The following CTNND2 variants were observed in gnomAD, a reference collection of about 807,000 sequenced individuals.
CTNND2 encodes catenin delta-2.
In CTNND2, 22 loss-of-function variants were observed where a neutral mutation model predicts 144.4. The observed-to-expected ratio is 0.15, with a 90% CI of 0.11 to 0.22. The LOEUF (loss-of-function observed/expected upper bound fraction) is 0.22, where lower values mean the gene tolerates loss of function less well. Ranked by LOEUF, CTNND2 falls within the 10% of genes least tolerant of loss-of-function variation. The pLI is 1.00. For missense variants in CTNND2, 1,353 were observed against 1,618.8 expected, an observed-to-expected ratio of 0.84 and a Z score of 2.82; for synonymous variants, 751 against 695.6, an observed-to-expected ratio of 1.08 and a Z score of -1.25.
chr5:11,789,871 C>A (rs1791040946), intron 1 of CTNND2, among the ~76,000 whole-genome samples: 1 of 152,148 alleles, frequency 6.6e-6, no homozygotes, highest in African/African-American at 2.4e-5. Flanking sequence ...TTAAGAACTT[C>A]CTTTTATTTT....
intron 3 of CTNND2, among the ~76,000 whole-genome samples, chr5:11,438,798 T>G (rs763389746): frequency 4.6e-5 from 7 of 152,134 alleles, no homozygotes; most frequent in Non-Finnish European, 1.0e-4. Context: ...TGCTTCGATT[T>G]TAACTTTATT....
At chr5:11,676,995 T>C (rs1784207062) in intron 2 of CTNND2, among the ~76,000 whole-genome samples, 1 of 152,228 alleles carries the variant, frequency 6.6e-6, no homozygotes, top group African/African-American at 2.4e-5. Context: ...TTTCTTCCAT[T>C]GTAAACCAAT....
intron 15 of CTNND2, among the ~76,000 whole-genome samples, chr5:11,097,926 C>T (rs915429445): frequency 6.6e-6 from 1 of 152,146 alleles, no homozygotes; most frequent in Non-Finnish European, 1.5e-5. Flanking sequence ...TGACCAGACT[C>T]AGGAATGAAT....
chr5:11,629,834 C>T (rs1179306133), intron 2 of CTNND2, among the ~76,000 whole-genome samples: 1 of 151,928 alleles, frequency 6.6e-6, no homozygotes, highest in African/African-American at 2.4e-5. Context: ...CACATCTGGC[C>T]TCACTCATTA....
rs552179381 is a variant in CTNND2 at position 11,606,050 on chromosome 5, A to C, written c.175-40994T>G. Among the ~76,000 whole-genome samples, 6 of 152,314 alleles carry C rather than the reference A, an allele frequency of 3.9e-5. No homozygotes were observed. In the East Asian group the frequency reaches 1.2e-3, roughly 29 times the overall value. ...CCAGTACTGTATGTCAGAAGAGGCA[A>C]GAGACGAGACAGAATAGGAGGTAAG... On this transcript the variant is annotated intron_variant, in intron 2 of 21. Transcript: ENST00000304623.
At chr5:11,707,628 A>G (rs1342844383) in intron 2 of CTNND2, among the ~76,000 whole-genome samples, 1 of 152,248 alleles carries the variant, frequency 6.6e-6, no homozygotes, top group Non-Finnish European at 1.5e-5. Flanking sequence ...CACAAATGCC[A>G]CAGTACATAT....
intron 4 of CTNND2, among the ~76,000 whole-genome samples, 160 bp downstream of exon 4, chr5:11,411,875 A>G (rs185546369): frequency 2.3e-4 from 35 of 152,276 alleles, no homozygotes; most frequent in African/African-American, 7.9e-4. Flanking sequence ...GAAAGATTTA[A>G]CTCTCAATAA....
chr5:11,007,270 G>A (rs41519346), intron 18 of CTNND2, among the ~76,000 whole-genome samples: 8,582 of 152,268 alleles, frequency 0.056, 812 homozygotes, highest in African/African-American at 0.19. Flanking sequence ...GGGTACTATC[G>A]CATAGACTGG....
chr5:11,118,482 C>A (rs1158667636), intron 12 of CTNND2, among the ~76,000 whole-genome samples: 8 of 152,220 alleles, frequency 5.3e-5, no homozygotes, highest in African/African-American at 1.9e-4. Flanking sequence ...TTGGGAGCAT[C>A]GGAATCCTCT....
At chr5:11,722,623 T>A (rs1477918535) in intron 2 of CTNND2, among the ~76,000 whole-genome samples, 1 of 152,160 alleles carries the variant, frequency 6.6e-6, no homozygotes, top group East Asian at 1.9e-4. Context: ...GAAGCAAACA[T>A]GTCCTTCTTC....
intron 2 of CTNND2, among the ~76,000 whole-genome samples, chr5:11,575,801 T>G (rs1446212213): frequency 6.6e-6 from 1 of 152,096 alleles, no homozygotes; most frequent in Non-Finnish European, 1.5e-5. Context: ...GCTGACCCTC[T>G]CATTTTCCTC....
intron 1 of CTNND2, among the ~76,000 whole-genome samples, chr5:11,815,652 T>C (rs1040155128): frequency 4.6e-5 from 7 of 152,170 alleles, no homozygotes; most frequent in Middle Eastern, 3.2e-3. Context: ...AAATCAAGTA[T>C]GCCATTCAAG....
chr5:11,355,680 A>C (rs1461755363), intron 8 of CTNND2, among the ~76,000 whole-genome samples: 1 of 152,190 alleles, frequency 6.6e-6, no homozygotes, highest in Non-Finnish European at 1.5e-5. Flanking sequence ...AGTCCTAGTC[A>C]GAGTGATTAG....
rs954016094 is a variant in CTNND2, at chr5:11,684,023, C to T, written c.174+48113G>A. Among the ~76,000 whole-genome samples, 4 of 152,188 alleles carry T rather than the reference C, an allele frequency of 2.6e-5. No homozygotes were observed. In the East Asian group the frequency reaches 7.7e-4, roughly 29 times the overall value. On this transcript the variant is annotated intron_variant, in intron 2 of 21. Transcript: ENST00000304623. ...AAAAGGGTGTAGACCTAATAATATACCATTATGATGTCGATCCACTTTTAA... is the reference window on the plus strand; with the variant it reads ...AAAAGGGTGTAGACCTAATAATATATCATTATGATGTCGATCCACTTTTAA...
chr5:11,697,744 T>C (rs1371860523), intron 2 of CTNND2, among the ~76,000 whole-genome samples: 2 of 152,200 alleles, frequency 1.3e-5, no homozygotes. Context: ...TTAGTCTCTG[T>C]TCTTCAAAGT....
chr5:11,802,388 A>ACT (rs1791742296), intron 1 of CTNND2, among the ~76,000 whole-genome samples: 3 of 151,648 alleles, frequency 2.0e-5, no homozygotes, highest in African/African-American at 7.3e-5. Flanking sequence ...ACCAACAGGG[A>ACT]GAAACCCCGT....
At position 11,235,688 on chromosome 5, in the gene CTNND2, C is replaced by G. The variant is rs61750736; in HGVS notation, c.1761+1003G>C. On this transcript the variant is annotated intron_variant, in intron 10 of 21. Transcript: ENST00000304623. ...AAATGTACCTTGGGACAAAATCACA[C>G]CTGGTTGAGAACCATTGCTCTATAT... is the stretch of plus-strand genomic sequence containing the variant. Among the ~76,000 whole-genome samples the G allele has an allele frequency of 7.6e-3, 1,150 of 152,242 alleles. 11 individuals are homozygous for G. The highest frequency in any genetic ancestry group is 0.027 in the African/African-American group (1,102 of 41,528).
chr5:11,233,716 C>CTGTGTGTGTGTGTG (rs3033106), intron 10 of CTNND2, among the ~76,000 whole-genome samples: 197 of 148,336 alleles, frequency 1.3e-3, no homozygotes, highest in African/African-American at 4.4e-3. Flanking sequence ...GTTTACGTGT[C>CTGTGTGTGTGTGTG]TGTGTGTGTG....
At chr5:11,822,613 T>C (rs1793375396) in intron 1 of CTNND2, among the ~76,000 whole-genome samples, 1 of 152,048 alleles carries the variant, frequency 6.6e-6, no homozygotes, top group African/African-American at 2.4e-5. Flanking sequence ...TATAAAATAT[T>C]GTGACTTCCA....
Sources: allele counts gnomAD v4.1 joint callset (sites outside exome capture counted in the v4.1 genomes callset), GRCh38; gene constraint gnomAD v4.1.1; transcripts MANE v1.5; gene names NCBI Gene and HGNC (gene_info 2026-07-23, HGNC 2026-07-21).